The following NDUFB10 variants were observed in gnomAD, a reference collection of about 807,000 sequenced individuals.
NDUFB10 encodes the protein NADH:ubiquinone oxidoreductase subunit B10.
Under a neutral mutation model 19.0 loss-of-function variants are expected in NDUFB10, and 23 were observed. The observed-to-expected ratio is 1.21, with a 90% CI of 0.87 to 1.71. NDUFB10 has a LOEUF of 1.71. NDUFB10 is among the 40% of genes most tolerant of loss of function. The probability of loss-of-function intolerance (pLI) is 0.00; values close to 1 mark genes in which losing one functional copy is unlikely to be tolerated. For synonymous variants in NDUFB10, 104 were observed against 81.8 expected, an observed-to-expected ratio of 1.27 and a Z score of -1.46; for missense variants, 312 against 230.6, an observed-to-expected ratio of 1.35 and a Z score of -2.29.
In NDUFB10 at chr16:1,961,784, A is replaced by G. The variant is rs749906144; in HGVS notation, c.410-13A>G. On this transcript the variant is annotated splice_polypyrimidine_tract_variant and intron_variant, in intron 3 of 3. Transcript: ENST00000268668. Reference sequence around the variant, plus strand: ...AGGCCTCGGTTCCCAGCTTGTTTCCATTGCTTCCCCAGATCAGGACCTGGG... The same window carrying G: ...AGGCCTCGGTTCCCAGCTTGTTTCCGTTGCTTCCCCAGATCAGGACCTGGG... 5.2e-6 allele frequency: 8 copies of G among 1,550,866 alleles called. No individual in the cohort carries two copies. The highest frequency in any genetic ancestry group is 1.2e-5 in the South Asian group (1 of 84,060).
At position 1,959,748 on chromosome 16, in the gene NDUFB10, G is replaced by A; in HGVS notation, c.124G>A (p.Val42Met). The change falls in exon 1 of 4, where the codon GTG becomes ATG. Residue 42 changes from valine (V) to methionine (M), a missense_variant. Physicochemically the swap from Val to Met is conservative, Grantham distance 21 (BLOSUM62 1). Coordinates refer to ENST00000268668, the MANE Select transcript of NDUFB10 (RefSeq NM_004548.3). The part of the protein sequence containing the change: ...DLIVDRPVTL[V>M]REFIERQHAK... ...CATCGTGGACCGACCCGTGACCCTC[G>A]TGAGAGGTACGAAGCCCCAGCCCGG... 3 of 1,613,120 alleles carry A rather than the reference G, an allele frequency of 1.9e-6. No homozygotes were observed. The highest frequency in any genetic ancestry group is 2.2e-5 in the East Asian group (1 of 44,858).
Position 1,959,599 on chromosome 16 carries a change from G to C in NDUFB10, c.-26G>C. On this transcript the variant is annotated 5_prime_UTR_variant, in exon 1 of 4. Transcript: ENST00000268668. ...GTAGAGGCCAGGGCAGCGCGTCCGG[G>C]AGCGGAGTCCGCGCCCGCCGCCGCC... The C allele has an allele frequency of 6.3e-7, 1 of 1,596,874 alleles. No individual in the cohort carries two copies. Among genetic ancestry groups the C allele is most frequent in the Non-Finnish European group, 8.5e-7 (1 of 1,171,936 alleles).
In NDUFB10 at chr16:1,959,583, AG is replaced by A; in HGVS notation, c.-39del. The A allele has an allele frequency of 6.3e-7, 1 of 1,580,320 alleles. No individual in the cohort carries two copies. Among genetic ancestry groups the A allele is most frequent in the Non-Finnish European group, 8.6e-7 (1 of 1,163,182 alleles). ...CGGGACCCGGACGGAGGTAGAGGCC[AG>A]GGCAGCGCGTCCGGGAGCGGAGTCC... On this transcript the variant is annotated 5_prime_UTR_variant, in exon 1 of 4. Coordinates refer to ENST00000268668, the MANE Select transcript of NDUFB10 (RefSeq NM_004548.3).
chr16:1,959,886 CT>C lies in NDUFB10; in HGVS notation c.130+133del, dbSNP rs1473665660. 1.6e-4 allele frequency: 204 copies of C among 1,251,156 alleles called. 1 individual carries two copies. The East Asian group carries it at 5.0e-3, about 31-fold the overall frequency. The allele number at this position is 1,251,156 out of a possible 1,614,324, so 77.5% of individuals were successfully genotyped here. ...GCCCCCCGCTGCACCCCGGGGACAACTCCCCACCCCCGGAGACCTCCGAGCT... is the reference window on the plus strand; with the variant it reads ...GCCCCCCGCTGCACCCCGGGGACAACCCCCACCCCCGGAGACCTCCGAGCT... On this transcript the variant is annotated intron_variant, in intron 1 of 3. Coordinates refer to ENST00000268668, the MANE Select transcript of NDUFB10 (RefSeq NM_004548.3).
At position 1,959,721 on chromosome 16, in the gene NDUFB10, CTCA is replaced by C; in HGVS notation, c.100_102del (p.Ile34del). 3 of 1,613,464 alleles carry C rather than the reference CTCA, an allele frequency of 1.9e-6. No homozygotes were observed. The highest frequency in any genetic ancestry group is 2.5e-6 in the Non-Finnish European group (3 of 1,179,780). On this transcript the variant is annotated inframe_deletion, in exon 1 of 4. Coordinates refer to ENST00000268668, the MANE Select transcript of NDUFB10 (RefSeq NM_004548.3). ...CGTCTACATGATGAAAGCGTTCGAC[CTCA>C]TCGTGGACCGACCCGTGACCCTCGT...
At position 1,961,569 on chromosome 16, in the gene NDUFB10, C is replaced by T; in HGVS notation, c.342C>T (p.Asn114=). The part of the protein sequence containing the change: ...LKACQQREGQ[N]YQQNCIKEVE... ...CCTGTCAGCAGAGGGAAGGACAGAACTACCAGCAGAACTGTATCAAGGAAG... is the reference window on the plus strand; with the variant it reads ...CCTGTCAGCAGAGGGAAGGACAGAATTACCAGCAGAACTGTATCAAGGAAG... The change falls in exon 3 of 4, where the codon AAC becomes AAT. Residue 114 remains asparagine, a synonymous_variant. Transcript: ENST00000268668. 2 of 1,614,090 alleles carry T rather than the reference C, an allele frequency of 1.2e-6. No homozygotes were observed. The highest frequency in any genetic ancestry group is 1.7e-6 in the Non-Finnish European group (2 of 1,180,028).
In NDUFB10 at chr16:1,961,914, G is replaced by A. The variant is rs150972831; in HGVS notation, c.*8G>A. On this transcript the variant is annotated 3_prime_UTR_variant, in exon 4 of 4. Transcript: ENST00000268668. ...GCCGCTGCCACCTCCTGAGGCAGCT[G>A]TGGGTGCCCCTGCTGTGTGGCTCTG... 2 of 1,554,120 alleles carry A rather than the reference G, an allele frequency of 1.3e-6. No individual in the cohort carries two copies. The highest frequency in any genetic ancestry group is 1.7e-6 in the Non-Finnish European group (2 of 1,147,532).
At chr16:1,961,071 C>T in intron 1 of NDUFB10, 82 bp from the exon 2 acceptor site, 1 of 1,531,386 alleles carries the variant, frequency 6.5e-7, no homozygotes, top group Non-Finnish European at 8.9e-7. Flanking sequence ...TCTCTCCCCT[C>T]CAAAGGGCTT....
At position 1,961,877 on chromosome 16, in the gene NDUFB10, G is replaced by A; in HGVS notation, c.490G>A (p.Ala164Thr). The A allele has an allele frequency of 6.4e-7, 1 of 1,564,316 alleles. No individual in the cohort carries two copies. The highest frequency in any genetic ancestry group is 8.7e-7 in the Non-Finnish European group (1 of 1,153,942). Residue 164 changes from alanine to threonine, a missense_variant, in exon 4 of 4, where the codon GCA (alanine) becomes ACA (threonine). Physicochemically the swap from Ala to Thr is moderately conservative, Grantham distance 58 (BLOSUM62 0). Coordinates refer to ENST00000268668, the MANE Select transcript of NDUFB10 (RefSeq NM_004548.3). ...RQRMLQERKA[A>T]KEAAAATS ...GAGGATGCTGCAAGAGAGAAAAGCT[G>A]CAAAAGAGGCCGCCGCTGCCACCTC...
At chr16:1,960,522 G>A (rs932732489) in intron 1 of NDUFB10, among the ~76,000 whole-genome samples, 2 of 152,194 alleles carry the variant, frequency 1.3e-5, no homozygotes, top group African/African-American at 4.8e-5. Flanking sequence ...TGTCCAGCCT[G>A]GTTCAGTTCT....
chr16:1,961,125 A>G (rs758335), intron 1 of NDUFB10, 28 bp from the exon 2 acceptor site: 1,322,283 of 1,611,806 alleles, frequency 0.82, 544,446 homozygotes, highest in African/African-American at 0.96. Flanking sequence ...CCGATGAGGC[A>G]TTTGAGTCTG....
intron 1 of NDUFB10, among the ~76,000 whole-genome samples, chr16:1,960,937 G>A (rs940097709): frequency 6.6e-6 from 1 of 152,228 alleles, no homozygotes; most frequent in Non-Finnish European, 1.5e-5. Context: ...TGAGGATGAT[G>A]CCTGGTACTC....
intron 1 of NDUFB10, among the ~76,000 whole-genome samples, 180 bp downstream of exon 1, chr16:1,959,934 C>T (rs1268165762): frequency 6.6e-6 from 1 of 151,824 alleles, no homozygotes; most frequent in African/African-American, 2.4e-5. Context: ...TTTGGCCTCC[C>T]ACTGCACCCC....
rs1185097568 is a variant in NDUFB10 at position 1,961,228 on chromosome 16, C to G, written c.206C>G (p.Thr69Ser). 5 of 1,614,008 alleles carry G rather than the reference C, an allele frequency of 3.1e-6. No individual in the cohort carries two copies. The African/African-American group carries it at 6.7e-5, about 22-fold the overall frequency. Residue 69 changes from threonine to serine, a missense_variant, in exon 2 of 4, where the codon ACT becomes AGT. Physicochemically the swap from Thr to Ser is moderately conservative, Grantham distance 58. Transcript: ENST00000268668. ...HRQYRRVPDITECKEEDIMCM... is the reference protein window; with the variant it reads ...HRQYRRVPDISECKEEDIMCM... ...CAGTACCGCCGCGTGCCAGACATCA[C>G]TGAGTGCAAGGAGGAGGACATCATG... is the stretch of plus-strand genomic sequence containing the variant.
Position 1,961,884 on chromosome 16 carries a change from A to G in NDUFB10, c.497A>G (p.Glu166Gly). ...CTGCAAGAGAGAAAAGCTGCAAAAG[A>G]GGCCGCCGCTGCCACCTCCTGAGGC... ...RMLQERKAAK[E>G]AAAATS Residue 166 changes from glutamate (E) to glycine (G), a missense_variant, in exon 4 of 4, where the codon GAG (glutamate) becomes GGG (glycine). By Grantham distance (98) the Glu-to-Gly change is moderately conservative. Coordinates refer to ENST00000268668, the MANE Select transcript of NDUFB10 (RefSeq NM_004548.3). 1 of 1,562,814 alleles carries G rather than the reference A, an allele frequency of 6.4e-7. No individual in the cohort carries two copies. Among genetic ancestry groups the G allele is most frequent in the Non-Finnish European group, 8.7e-7 (1 of 1,153,106 alleles).
intron 3 of NDUFB10, 47 bp from the exon 4 acceptor site, chr16:1,961,750 A>G: frequency 6.5e-7 from 1 of 1,530,078 alleles, no homozygotes; most frequent in Non-Finnish European, 8.8e-7. Context: ...CCCCCTTTGC[A>G]TGTAGCAGAG....
chr16:1,961,398 G>A, intron 2 of NDUFB10, 99 bp from the exon 3 acceptor site: 3 of 1,594,402 alleles, frequency 1.9e-6, no homozygotes, highest in East Asian at 2.2e-5. Context: ...GGTGACATGG[G>A]AGGAGCCAGA....
At position 1,959,555 on chromosome 16, in the gene NDUFB10, C is replaced by T. The variant is rs1429160807; in HGVS notation, c.-70C>T. The T allele has an allele frequency of 6.6e-6, 10 of 1,514,322 alleles. No individual in the cohort carries two copies. Among genetic ancestry groups the T allele is most frequent in the Non-Finnish European group, 8.9e-6 (10 of 1,127,338 alleles). The allele number at this position is 1,514,322 out of a possible 1,614,324, so 93.8% of individuals were successfully genotyped here. ...CGTCCTCTGTAGCGGGCGACCTAGG[C>T]CGCGGGACCCGGACGGAGGTAGAGG... is the stretch of plus-strand genomic sequence containing the variant. On this transcript the variant is annotated 5_prime_UTR_variant, in exon 1 of 4. Coordinates refer to ENST00000268668, the MANE Select transcript of NDUFB10 (RefSeq NM_004548.3).
intron 3 of NDUFB10, 62 bp from the exon 4 acceptor site, chr16:1,961,735 C>A: frequency 6.6e-7 from 1 of 1,515,946 alleles, no homozygotes; most frequent in Non-Finnish European, 8.9e-7. Context: ...GCTCACTTGA[C>A]TTTGCCCCCT....
Sources: allele counts gnomAD v4.1 joint callset (sites outside exome capture counted in the v4.1 genomes callset), GRCh38; gene constraint gnomAD v4.1.1; transcripts MANE v1.5; gene names NCBI Gene and HGNC (gene_info 2026-07-23, HGNC 2026-07-21).